CDYL2: variants seen among roughly 807,000 people sequenced by gnomAD.
CDYL2 encodes the protein chromodomain Y like 2.
In CDYL2, 23 loss-of-function variants were observed where a neutral mutation model predicts 49.4. That is an observed-to-expected ratio of 0.47 (90% CI 0.34 to 0.66). The LOEUF (loss-of-function observed/expected upper bound fraction) is 0.66, where lower values mean the gene tolerates loss of function less well. Ranked by LOEUF, CDYL2 falls within the 30% of genes least tolerant of loss-of-function variation. The pLI is 0.01. For missense variants in CDYL2, 678 were observed against 656.4 expected, an observed-to-expected ratio of 1.03 and a Z score of -0.36; for synonymous variants, 360 against 268.8, an observed-to-expected ratio of 1.34 and a Z score of -3.32.
chr16:80,786,689 G>C (rs1907446784), intron 1 of CDYL2, among the ~76,000 whole-genome samples: 1 of 152,156 alleles, frequency 6.6e-6, no homozygotes, highest in Non-Finnish European at 1.5e-5. Flanking sequence ...ATCAATGATA[G>C]ACTGGATTAA....
intron 2 of CDYL2, among the ~76,000 whole-genome samples, chr16:80,657,527 G>C (rs1490101620): frequency 6.6e-6 from 1 of 151,952 alleles, no homozygotes; most frequent in East Asian, 1.9e-4. Context: ...AGAAGAAATG[G>C]CTCCAAATCC....
At chr16:80,744,454 T>C (rs1343860225) in intron 1 of CDYL2, among the ~76,000 whole-genome samples, 2 of 151,684 alleles carry the variant, frequency 1.3e-5, no homozygotes, top group Non-Finnish European at 2.9e-5. Context: ...TCAGACCTCC[T>C]GACCTGAGAA....
intron 2 of CDYL2, among the ~76,000 whole-genome samples, chr16:80,665,307 C>T (rs1909214750): frequency 6.6e-6 from 1 of 152,006 alleles, no homozygotes; most frequent in Non-Finnish European, 1.5e-5. Flanking sequence ...TAGGGCACTG[C>T]CGTACCTGCT....
intron 1 of CDYL2, among the ~76,000 whole-genome samples, chr16:80,750,032 C>G (rs538058784): frequency 1.4e-5 from 2 of 144,032 alleles, no homozygotes; most frequent in African/African-American, 5.2e-5. Flanking sequence ...GGGAATTGAA[C>G]AAAGAGAACA....
intron 2 of CDYL2, among the ~76,000 whole-genome samples, chr16:80,638,347 T>C (rs1379029687): frequency 6.6e-6 from 1 of 152,192 alleles, no homozygotes; most frequent in African/African-American, 2.4e-5. Flanking sequence ...AGTGCTGGGA[T>C]TATAGGCGTG....
At chr16:80,637,671 G>A (rs1272840550) in intron 2 of CDYL2, among the ~76,000 whole-genome samples, 2 of 86,576 alleles carry the variant, frequency 2.3e-5, no homozygotes, top group Non-Finnish European at 3.7e-5. Flanking sequence ...AAAAAATACT[G>A]TTTTAATATT....
chr16:80,701,952 G>T (rs1904303445), intron 1 of CDYL2, among the ~76,000 whole-genome samples: 1 of 152,080 alleles, frequency 6.6e-6, no homozygotes, highest in African/African-American at 2.4e-5. Flanking sequence ...TAAATCAACT[G>T]AGCAAGAAAG....
intron 2 of CDYL2, among the ~76,000 whole-genome samples, chr16:80,633,869 A>G (rs1907690314): frequency 6.6e-6 from 1 of 152,178 alleles, no homozygotes. Context: ...ATGGCCTGAA[A>G]GTGCCCTCCT....
At chr16:80,769,773 T>A (rs1906846411) in intron 1 of CDYL2, among the ~76,000 whole-genome samples, 1 of 152,190 alleles carries the variant, frequency 6.6e-6, no homozygotes, top group South Asian at 2.1e-4. Flanking sequence ...AATAAGGTAT[T>A]TGCATAGGTG....
intron 2 of CDYL2, among the ~76,000 whole-genome samples, chr16:80,675,626 G>A (rs539177145): frequency 2.0e-5 from 3 of 152,192 alleles, no homozygotes; most frequent in East Asian, 3.9e-4. Flanking sequence ...ACATTAGGAG[G>A]TGAAGTTTTA....
intron 2 of CDYL2, among the ~76,000 whole-genome samples, chr16:80,635,027 C>G (rs192789785): frequency 2.6e-5 from 4 of 152,230 alleles, no homozygotes; most frequent in Admixed American, 2.6e-4. Context: ...TACAAGAACA[C>G]AGAATAGTAG....
At chr16:80,709,365 T>C (rs2142509759) in intron 1 of CDYL2, among the ~76,000 whole-genome samples, 1 of 133,638 alleles carries the variant, frequency 7.5e-6, no homozygotes, top group South Asian at 2.3e-4. Context: ...CTAGGCAACA[T>C]AGCGAGACTC....
intron 2 of CDYL2, among the ~76,000 whole-genome samples, chr16:80,640,962 A>C (rs1188716036): frequency 6.6e-6 from 1 of 152,214 alleles, no homozygotes; most frequent in African/African-American, 2.4e-5. Context: ...TCTAGAAAAT[A>C]GCCTCAAAAG....
At chr16:80,691,237 C>T (rs185163118) in intron 1 of CDYL2, among the ~76,000 whole-genome samples, 17 of 152,272 alleles carry the variant, frequency 1.1e-4, no homozygotes, top group African/African-American at 3.1e-4. Flanking sequence ...CCCTTGGGGG[C>T]GGAAGGGCGA....
At chr16:80,665,753 A>G (rs984365180) in intron 2 of CDYL2, among the ~76,000 whole-genome samples, 2 of 152,084 alleles carry the variant, frequency 1.3e-5, no homozygotes, top group Non-Finnish European at 2.9e-5. Context: ...TCGGAGGCAG[A>G]ACCTCCTACT....
rs571946354 is a variant in CDYL2, at chr16:80,601,042, T to C, written c.*3346A>G. 1.1e-4 allele frequency: 16 copies of C among 152,250 alleles called. No individual in the cohort carries two copies. Among genetic ancestry groups the C allele is most frequent in the South Asian group, 2.1e-4 (1 of 4,836 alleles). The allele number at this position is 152,250 out of a possible 1,614,324, so 9.4% of individuals were successfully genotyped here. ...AAATCAATTCTCTACTACTTTCTCA[T>C]AGCTATCCAATGTCATTCTTAGTGA... On this transcript the variant is annotated 3_prime_UTR_variant, in exon 7 of 7. Coordinates refer to ENST00000570137, the MANE Select transcript of CDYL2 (RefSeq NM_152342.4).
chr16:80,746,015 C>G (rs916527294), intron 1 of CDYL2, among the ~76,000 whole-genome samples: 3 of 152,168 alleles, frequency 2.0e-5, no homozygotes, highest in African/African-American at 7.2e-5. Flanking sequence ...GTAAAGCTCG[C>G]ACTTGTCTCT....
intron 1 of CDYL2, among the ~76,000 whole-genome samples, chr16:80,775,456 G>T (rs1234671299): frequency 6.6e-6 from 1 of 151,792 alleles, no homozygotes; most frequent in South Asian, 2.1e-4. Flanking sequence ...TTCAAGGGGG[G>T]TGGGTTGTAA....
chr16:80,645,447 G>A (rs375813984), intron 2 of CDYL2, among the ~76,000 whole-genome samples: 4 of 152,094 alleles, frequency 2.6e-5, no homozygotes, highest in Non-Finnish European at 4.4e-5. Flanking sequence ...ACCATCTCAT[G>A]CCAGTTAGAA....
Sources: allele counts gnomAD v4.1 joint callset (sites outside exome capture counted in the v4.1 genomes callset), GRCh38; gene constraint gnomAD v4.1.1; transcripts MANE v1.5; gene names NCBI Gene and HGNC (gene_info 2026-07-23, HGNC 2026-07-21).